The following GNAT3 variants were observed in gnomAD, a reference collection of about 807,000 sequenced individuals.
GNAT3 encodes guanine nucleotide-binding protein G(t) subunit alpha-3.
Under a neutral mutation model 37.7 loss-of-function variants are expected in GNAT3, and 31 were observed. That is an observed-to-expected ratio of 0.82 (90% confidence interval 0.62 to 1.11). GNAT3 has a LOEUF of 1.11. Ranked by LOEUF, GNAT3 falls within the 50% of genes most tolerant of loss-of-function variation. GNAT3 has a pLI of 0.00. For missense variants in GNAT3, 437 were observed against 412.5 expected (o/e 1.06, Z -0.51); for synonymous variants, 138 against 139.8 (o/e 0.99, Z 0.09).
In GNAT3 at chr7:80,458,688, CT is replaced by C. The variant is rs1789994993; in HGVS notation, c.1047del (p.Asp350ThrfsTer?). The C allele has an allele frequency of 1.3e-6, 2 of 1,564,796 alleles. No individual in the cohort carries two copies. The highest frequency in any genetic ancestry group is 1.7e-6 in the Non-Finnish European group (2 of 1,157,370). On this transcript the variant is annotated frameshift_variant, in exon 8 of 8. Coordinates refer to ENST00000398291, the MANE Select transcript of GNAT3 (RefSeq NM_001102386.3). LOFTEE classifies it high-confidence loss of function. ...VTDIIIKENL[K>X]DCGLF ...ATAGTTGATTAGAAAAGCCCACAGT[CT>C]TTTAGATTCTCTTTGATTATTATAT...
rs1328930332 is a variant in GNAT3 at position 80,511,976 on chromosome 7, T to C, written c.-50A>G. 3.0e-6 allele frequency: 4 copies of C among 1,325,876 alleles called. No individual in the cohort carries two copies. In the African/African-American group the frequency reaches 5.8e-5, roughly 19 times the overall value. 82.1% of individuals were successfully genotyped at this position (1,325,876 alleles called of 1,614,324 possible). On this transcript the variant is annotated 5_prime_UTR_variant, in exon 1 of 8. Coordinates refer to ENST00000398291, the MANE Select transcript of GNAT3 (RefSeq NM_001102386.3). ...TTTATATGTTCAGATTTTTCAAATG[T>C]TGAGCACAGCTGTGGTTTGGACATA... is the stretch of plus-strand genomic sequence containing the variant.
chr7:80,464,885 A>G (rs906965694), intron 5 of GNAT3, among the ~76,000 whole-genome samples: 6 of 152,124 alleles, frequency 3.9e-5, no homozygotes, highest in Admixed American at 1.3e-4. Flanking sequence ...TGCTCACAAT[A>G]TTGAAGATAA....
chr7:80,468,423 C>G lies in GNAT3; in HGVS notation c.591-5792G>C, dbSNP rs571104918. On this transcript the variant is annotated intron_variant, in intron 5 of 7. Coordinates refer to ENST00000398291, the MANE Select transcript of GNAT3 (RefSeq NM_001102386.3). ...GCTTATCCTATAAGCATGTACTTATCTTTGAAAAATCACTTTCTGACATTC... is the reference window on the plus strand; with the variant it reads ...GCTTATCCTATAAGCATGTACTTATGTTTGAAAAATCACTTTCTGACATTC... 6.6e-5 allele frequency among the ~76,000 whole-genome samples: 10 copies of G among 152,166 alleles called. No individual in the cohort carries two copies. In the East Asian group the frequency reaches 1.5e-3, roughly 23 times the overall value.
chr7:80,485,249 C>T (rs996721921), intron 3 of GNAT3, among the ~76,000 whole-genome samples: 4 of 151,796 alleles, frequency 2.6e-5, no homozygotes, highest in Admixed American at 2.6e-4. Context: ...CTTCCTTCAC[C>T]TATTCCATCC....
intron 2 of GNAT3, among the ~76,000 whole-genome samples, chr7:80,493,623 C>CTTCCTCCTCCTCT: frequency 9.6e-6 from 1 of 103,634 alleles, no homozygotes; most frequent in Non-Finnish European, 1.9e-5. Flanking sequence ...CCTCTTTCCT[C>CTTCCTCCTCCTCT]TTCCTCCTCC....
chr7:80,458,930 AT>A, intron 7 of GNAT3, 69 bp from the exon 8 acceptor site: 1 of 1,062,960 alleles, frequency 9.4e-7, no homozygotes, highest in Non-Finnish European at 1.3e-6. Flanking sequence ...TATAAATAAT[AT>A]CAGCAAATTT....
intron 2 of GNAT3, among the ~76,000 whole-genome samples, chr7:80,493,712 C>T (rs1427583730): frequency 7.9e-6 from 1 of 126,616 alleles, no homozygotes; most frequent in East Asian, 2.2e-4. Flanking sequence ...CTTTGTTCCT[C>T]CTCCTTCTCT....
chr7:80,487,262 G>C (rs750214070), intron 3 of GNAT3, among the ~76,000 whole-genome samples: 1 of 152,064 alleles, frequency 6.6e-6, no homozygotes, highest in Non-Finnish European at 1.5e-5. Context: ...CTAAGTCAGA[G>C]AGAGATAAAG....
chr7:80,488,283 G>T (rs916862065), intron 3 of GNAT3, among the ~76,000 whole-genome samples: 1 of 151,922 alleles, frequency 6.6e-6, no homozygotes, highest in Admixed American at 6.6e-5. Context: ...ATTTGTTATG[G>T]TGTATTATTT....
chr7:80,497,601 CATATACGTATAT>C (rs1790749870), intron 1 of GNAT3, among the ~76,000 whole-genome samples: 1 of 115,632 alleles, frequency 8.6e-6, no homozygotes, highest in Non-Finnish European at 1.7e-5. Flanking sequence ...TACGTATATA[CATATACGTATAT>C]ACATATACGT....
chr7:80,460,499 T>C (rs1271144134), intron 7 of GNAT3, among the ~76,000 whole-genome samples: 2 of 152,110 alleles, frequency 1.3e-5, no homozygotes, highest in Non-Finnish European at 2.9e-5. Context: ...ATGCCTGTAA[T>C]CCTAACACTT....
At chr7:80,476,427 A>T (rs1790302552) in intron 4 of GNAT3, among the ~76,000 whole-genome samples, 1 of 146,022 alleles carries the variant, frequency 6.8e-6, no homozygotes, top group Non-Finnish European at 1.5e-5. Flanking sequence ...ATGGAATTTT[A>T]AAGGCACACT....
intron 5 of GNAT3, among the ~76,000 whole-genome samples, chr7:80,472,578 T>C (rs1276625244): frequency 1.3e-5 from 2 of 152,132 alleles, no homozygotes; most frequent in Non-Finnish European, 1.5e-5. Flanking sequence ...ATAAACAAGA[T>C]AATTTTTGAG....
intron 1 of GNAT3, among the ~76,000 whole-genome samples, chr7:80,495,615 G>A (rs1257750638): frequency 6.6e-6 from 1 of 151,820 alleles, no homozygotes; most frequent in African/African-American, 2.4e-5. Context: ...GATTACAGGC[G>A]CATGCCACCA....
intron 1 of GNAT3, among the ~76,000 whole-genome samples, chr7:80,502,706 T>TA (rs562587200): frequency 0.017 from 2,408 of 142,732 alleles, 19 homozygotes; most frequent in African/African-American, 0.025. Context: ...TTGGTCCTGC[T>TA]AAAAAAAAAA....
intron 3 of GNAT3, among the ~76,000 whole-genome samples, chr7:80,485,533 G>A (rs1026839482): frequency 6.6e-6 from 1 of 152,014 alleles, no homozygotes; most frequent in African/African-American, 2.4e-5. Flanking sequence ...TTTTGAAATA[G>A]CATATTTGTA....
chr7:80,484,050 G>T (rs183613834), intron 3 of GNAT3, among the ~76,000 whole-genome samples: 1 of 152,092 alleles, frequency 6.6e-6, no homozygotes, highest in East Asian at 1.9e-4. Flanking sequence ...GTATACATGT[G>T]CTATGGTGGT....
intron 1 of GNAT3, among the ~76,000 whole-genome samples, chr7:80,496,786 T>G (rs1297235968): frequency 6.6e-6 from 1 of 152,216 alleles, no homozygotes; most frequent in Non-Finnish European, 1.5e-5. Flanking sequence ...TGATTTACAA[T>G]GTTTTCTTAA....
intron 1 of GNAT3, among the ~76,000 whole-genome samples, chr7:80,495,323 T>C (rs1790695491): frequency 6.6e-6 from 1 of 152,126 alleles, no homozygotes; most frequent in South Asian, 2.1e-4. Context: ...TTCATAGAGG[T>C]TGTACTGATT....
Sources: gnomAD v4.1 joint callset for allele counts (sites outside exome capture counted in the v4.1 genomes callset) on GRCh38, gnomAD v4.1.1 for gene constraint, MANE v1.5 for transcripts, NCBI Gene and HGNC (gene_info 2026-07-23, HGNC 2026-07-21) for gene names.